Variants in CCSER1 observed in about 807,000 individuals in gnomAD.
CCSER1 encodes the protein coiled-coil serine rich protein 1.
A neutral mutation model predicts 82.0 loss-of-function variants in CCSER1; 41 were observed. The ratio of observed to expected loss-of-function variants is 0.50; its 90% CI spans 0.39 to 0.65. The LOEUF is 0.65. Among genes scored for constraint, CCSER1 ranks in the 30% least tolerant of loss-of-function variants. The pLI is 0.00. For synonymous variants in CCSER1, 414 were observed against 383.9 expected, an observed-to-expected ratio of 1.08 and a Z score of -0.92; for missense variants, 1,119 against 1,064.2, an observed-to-expected ratio of 1.05 and a Z score of -0.72.
At chr4:91,123,001 G>A (rs536618204) in intron 10 of CCSER1, among the ~76,000 whole-genome samples, 58 of 151,746 alleles carry the variant, frequency 3.8e-4, no homozygotes, top group South Asian at 6.2e-4. Context: ...TTTTCATATA[G>A]GGCAGAATAC....
chr4:90,862,195 A>T (rs536949117), intron 8 of CCSER1, among the ~76,000 whole-genome samples: 1 of 151,804 alleles, frequency 6.6e-6, no homozygotes, highest in South Asian at 2.1e-4. Flanking sequence ...TTATTTATTT[A>T]AAAAAACTCA....
rs1218717825 is a variant in CCSER1 at position 91,115,795 on chromosome 4, C to G, written c.2217+29801C>G. On this transcript the variant is annotated intron_variant, in intron 10 of 10. Transcript: ENST00000509176. The stretch of plus-strand genomic sequence containing the variant: ...CTTCCTCCTCTTGCTCCCTGCCTAT[C>G]CTAGCTTTTTCTTTTTTTTTTTTTT... Among the ~76,000 whole-genome samples the G allele has an allele frequency of 2.3e-5, 3 of 132,350 alleles. No homozygotes were observed. The East Asian group carries it at 6.9e-4, about 30-fold the overall frequency. 86.8% of individuals were successfully genotyped at this position (132,350 alleles called of 152,430 possible).
At chr4:90,538,297 A>G (rs1775675820) in intron 5 of CCSER1, among the ~76,000 whole-genome samples, 4 of 152,114 alleles carry the variant, frequency 2.6e-5, no homozygotes, top group Admixed American at 2.0e-4. Context: ...TTCTCTATAT[A>G]AGATATGCTT....
At chr4:90,937,503 A>AC (rs66634078) in intron 9 of CCSER1, among the ~76,000 whole-genome samples, 5,743 of 149,320 alleles carry the variant, frequency 0.038, 351 homozygotes, top group African/African-American at 0.14. Flanking sequence ...ACACACACAC[A>AC]AACACACACA....
intron 10 of CCSER1, among the ~76,000 whole-genome samples, chr4:91,166,009 C>T (rs1049873761): frequency 9.2e-5 from 14 of 152,136 alleles, no homozygotes; most frequent in Admixed American, 4.6e-4. Context: ...CCGTTTTCTG[C>T]GTTGATCACG....
At chr4:90,651,817 C>T (rs1728804575) in intron 6 of CCSER1, among the ~76,000 whole-genome samples, 1 of 152,156 alleles carries the variant, frequency 6.6e-6, no homozygotes, top group South Asian at 2.1e-4. Context: ...GCTAGCAACA[C>T]ATTTAAAAGA....
chr4:91,174,421 G>T (rs1201134350), intron 10 of CCSER1, among the ~76,000 whole-genome samples: 1 of 152,048 alleles, frequency 6.6e-6, no homozygotes, highest in Non-Finnish European at 1.5e-5. Context: ...CAGAGATTTT[G>T]ATGGACAAAC....
At chr4:90,629,003 T>G (rs1384355707) in intron 6 of CCSER1, among the ~76,000 whole-genome samples, 1 of 152,178 alleles carries the variant, frequency 6.6e-6, no homozygotes, top group Admixed American at 6.5e-5. Context: ...CAGCCTGAAA[T>G]TTGTGTCTTT....
chr4:90,886,776 A>C (rs2150095327), intron 8 of CCSER1, among the ~76,000 whole-genome samples: 1 of 152,294 alleles, frequency 6.6e-6, no homozygotes, highest in African/African-American at 2.4e-5. Flanking sequence ...AGTCTTATGA[A>C]GCTACCATTA....
intron 9 of CCSER1, among the ~76,000 whole-genome samples, chr4:90,930,279 G>C (rs1048275441): frequency 2.0e-5 from 3 of 151,986 alleles, no homozygotes; most frequent in Non-Finnish European, 4.4e-5. Context: ...GTCTCTTAGA[G>C]TATCTAGTGT....
At chr4:91,358,391 GTTGTTT>G (rs1749008817) in intron 10 of CCSER1, among the ~76,000 whole-genome samples, 2 of 127,046 alleles carry the variant, frequency 1.6e-5, no homozygotes, top group Non-Finnish European at 3.1e-5. Flanking sequence ...CCTGACCCAC[GTTGTTT>G]TTTTTTTTTT....
intron 6 of CCSER1, among the ~76,000 whole-genome samples, chr4:90,671,388 C>T (rs1005816789): frequency 6.6e-6 from 1 of 152,056 alleles, no homozygotes; most frequent in Non-Finnish European, 1.5e-5. Flanking sequence ...TATTCCAAAA[C>T]TTTTCTTGTC....
chr4:90,301,376 G>A (rs993351788), intron 1 of CCSER1, among the ~76,000 whole-genome samples: 4 of 152,066 alleles, frequency 2.6e-5, no homozygotes, highest in Non-Finnish European at 4.4e-5. Flanking sequence ...ATTGAATAAA[G>A]TACTGTACTT....
intron 1 of CCSER1, among the ~76,000 whole-genome samples, chr4:90,302,165 A>G (rs1455040185): frequency 6.6e-6 from 1 of 152,184 alleles, no homozygotes; most frequent in Non-Finnish European, 1.5e-5. Flanking sequence ...AAATCTATGT[A>G]TTCTATAGGT....
chr4:91,451,836 A>G (rs1021582006), intron 10 of CCSER1, among the ~76,000 whole-genome samples: 1 of 152,038 alleles, frequency 6.6e-6, no homozygotes, highest in Non-Finnish European at 1.5e-5. Flanking sequence ...GTAAAAATGC[A>G]AAGTCCCAGT....
chr4:90,880,862 C>T (rs1413751811), intron 8 of CCSER1, among the ~76,000 whole-genome samples: 1 of 151,858 alleles, frequency 6.6e-6, no homozygotes, highest in Non-Finnish European at 1.5e-5. Flanking sequence ...CCTGCGTGGG[C>T]CGTCATCCTG....
intron 8 of CCSER1, among the ~76,000 whole-genome samples, chr4:90,874,368 G>A (rs760526970): frequency 2.6e-5 from 4 of 151,892 alleles, no homozygotes; most frequent in Non-Finnish European, 4.4e-5. Context: ...TTTTTAAAAT[G>A]TTTCTTTTGT....
chr4:90,484,253 T>C (rs1448505814), intron 5 of CCSER1, among the ~76,000 whole-genome samples: 2 of 152,202 alleles, frequency 1.3e-5, no homozygotes, highest in African/African-American at 2.4e-5. Flanking sequence ...CTGTGTTTGT[T>C]ATTCTAGTTA....
At chr4:91,459,926 A>G (rs993893095) in intron 10 of CCSER1, among the ~76,000 whole-genome samples, 1 of 152,142 alleles carries the variant, frequency 6.6e-6, no homozygotes, top group Non-Finnish European at 1.5e-5. Context: ...TTGTTATTTG[A>G]GATAGCCATT....
Sources: gnomAD v4.1 joint callset for allele counts (sites outside exome capture counted in the v4.1 genomes callset) on GRCh38, gnomAD v4.1.1 for gene constraint, MANE v1.5 for transcripts, NCBI Gene and HGNC (gene_info 2026-07-23, HGNC 2026-07-21) for gene names.